Variants in SDK2 observed in about 807,000 individuals in gnomAD.
SDK2 encodes the protein sidekick cell adhesion molecule 2.
SDK2 carries 105 observed loss-of-function variants against 253.9 expected under a neutral mutation model. The ratio of observed to expected loss-of-function variants is 0.41; its 90% CI spans 0.35 to 0.49. SDK2 has a LOEUF of 0.49. Among genes scored for constraint, SDK2 ranks in the 20% least tolerant of loss-of-function variants. The probability of loss-of-function intolerance (pLI) is 0.06; values close to 1 mark genes in which losing one functional copy is unlikely to be tolerated. For synonymous variants in SDK2, 1,249 were observed against 1,234.9 expected (o/e 1.01, Z -0.24); for missense variants, 2,608 against 3,003.0 (o/e 0.87, Z 3.07).
At chr17:73,603,989 C>T (rs540201230) in intron 1 of SDK2, among the ~76,000 whole-genome samples, 5 of 152,362 alleles carry the variant, frequency 3.3e-5, no homozygotes, top group African/African-American at 1.2e-4. Context: ...AACCCACCAA[C>T]GTCAGCTGGC....
Position 73,582,377 on chromosome 17 carries a change from G to A in SDK2, c.64+61648C>T, listed in dbSNP as rs550263090. Among the ~76,000 whole-genome samples, 122 of 151,714 alleles carry A rather than the reference G, an allele frequency of 8.0e-4. 1 individual carries two copies. Among genetic ancestry groups the A allele is most frequent in the African/African-American group, 2.5e-3 (104 of 41,262 alleles). On this transcript the variant is annotated intron_variant, in intron 1 of 44. Transcript: ENST00000392650. ...CATGCAGGCATCAGCATTTGGGGGTGCACACCACGCAGGCATCAGCTTTTG... is the reference window on the plus strand; with the variant it reads ...CATGCAGGCATCAGCATTTGGGGGTACACACCACGCAGGCATCAGCTTTTG...
chr17:73,562,937 G>C (rs2045259092), intron 1 of SDK2, among the ~76,000 whole-genome samples: 1 of 152,224 alleles, frequency 6.6e-6, no homozygotes, highest in African/African-American at 2.4e-5. Context: ...GTAGGGCTGT[G>C]CTGAAGCTGG....
At chr17:73,526,985 G>A (rs186832776) in intron 1 of SDK2, among the ~76,000 whole-genome samples, 302 of 152,370 alleles carry the variant, frequency 2.0e-3, no homozygotes, top group Non-Finnish European at 3.4e-3. Flanking sequence ...ACATGGCCCT[G>A]CCTGGAGGCC....
Position 73,338,434 on chromosome 17 carries a change from G to C in SDK2, c.*153C>G. 1.4e-6 allele frequency: 1 copy of C among 704,754 alleles called. No homozygotes were observed. Among genetic ancestry groups the C allele is most frequent in the Non-Finnish European group, 2.6e-6 (1 of 390,636 alleles). The allele number at this position is 704,754 out of a possible 1,614,324, so 43.7% of individuals were successfully genotyped here. A position where few individuals can be genotyped will look rare whatever the true frequency, so the allele number is the denominator to read the frequency against. ...GTTTTCTCCCTCCTTCTGAACGCCG[G>C]CTTTGCTGGCCCTGGAATCTCTGGA... On this transcript the variant is annotated 3_prime_UTR_variant, in exon 45 of 45. Coordinates refer to ENST00000392650, the MANE Select transcript of SDK2 (RefSeq NM_001144952.2). This position sits in a 1 kb window ranked among gnomAD's most constrained non-coding sequence, Gnocchi z 5.0.
chr17:73,614,231 C>A (rs1188323267), intron 1 of SDK2, among the ~76,000 whole-genome samples: 2 of 152,130 alleles, frequency 1.3e-5, no homozygotes, highest in Non-Finnish European at 1.5e-5. Context: ...TGGAAAGTAC[C>A]CCCACCTTCT....
At chr17:73,508,175 C>T (rs777836014) in intron 1 of SDK2, among the ~76,000 whole-genome samples, 3 of 152,260 alleles carry the variant, frequency 2.0e-5, no homozygotes, top group Non-Finnish European at 4.4e-5. Context: ...CCTCTACCTC[C>T]CCGTTCACTC....
chr17:73,419,865 C>T (rs1398248948), intron 15 of SDK2, among the ~76,000 whole-genome samples: 1 of 148,198 alleles, frequency 6.7e-6, no homozygotes, highest in East Asian at 1.9e-4. Context: ...GCCTGGGAAA[C>T]AGAGACCCTG....
intron 41 of SDK2, 125 bp from the exon 42 acceptor site, chr17:73,350,915 G>T: frequency 2.0e-6 from 2 of 976,398 alleles, no homozygotes; most frequent in Non-Finnish European, 3.0e-6. Flanking sequence ...CCCTCCGAAT[G>T]AGGCAGAACC....
At chr17:73,417,997 G>A (rs1027200094) in intron 16 of SDK2, among the ~76,000 whole-genome samples, 6 of 146,304 alleles carry the variant, frequency 4.1e-5, no homozygotes, top group South Asian at 2.2e-4. Context: ...ATGCATCAAA[G>A]TCTCCTAGAT....
chr17:73,610,715 T>C (rs1163050507), intron 1 of SDK2, among the ~76,000 whole-genome samples: 2 of 151,122 alleles, frequency 1.3e-5, no homozygotes, highest in African/African-American at 4.9e-5. Context: ...TCTGTGTGTG[T>C]TAGGTGTGCC....
Position 73,352,617 on chromosome 17 carries a change from G to A in SDK2, c.5614C>T (p.Leu1872Phe), listed in dbSNP as rs750802289. ...ACCTCCTTGGGGATGTCTTTGATGA[G>A]GATGTCCCATAGTCCCTCGTCTGCA... ...RPSDEGLWDI[L>F]IKDIPKEVSS... The change falls in exon 41 of 45, where the codon CTC (leucine) becomes TTC (phenylalanine). Residue 1872 changes from leucine (L) to phenylalanine (F), a missense_variant. Physicochemically the swap from Leu to Phe is conservative, Grantham distance 22. Coordinates refer to ENST00000392650, the MANE Select transcript of SDK2 (RefSeq NM_001144952.2). The surrounding 1 kb of genome is among the most constrained non-coding windows in gnomAD (Gnocchi z 4.1). The A allele has an allele frequency of 1.2e-6, 2 of 1,614,004 alleles. No homozygotes were observed. Among genetic ancestry groups the A allele is most frequent in the Admixed American group, 3.3e-5 (2 of 60,014 alleles).
chr17:73,434,301 G>A (rs1425779362), intron 9 of SDK2, among the ~76,000 whole-genome samples: 2 of 152,254 alleles, frequency 1.3e-5, no homozygotes, highest in African/African-American at 4.8e-5. Context: ...ATTCGGCCAT[G>A]GCCACCGTTT....
At chr17:73,522,634 T>C (rs12449558) in intron 1 of SDK2, among the ~76,000 whole-genome samples, 70,715 of 152,100 alleles carry the variant, frequency 0.46, 18,389 homozygotes, top group African/African-American at 0.71. Context: ...TGGTTATCCA[T>C]CCAGGGAGGT....
At chr17:73,600,018 C>T (rs2045814953) in intron 1 of SDK2, among the ~76,000 whole-genome samples, 1 of 152,350 alleles carries the variant, frequency 6.6e-6, no homozygotes, top group East Asian at 1.9e-4. Context: ...CCGTAGCAGC[C>T]CCTCGTCACT....
At chr17:73,384,107 G>T in intron 32 of SDK2, 96 bp from the exon 33 acceptor site, 1 of 1,361,560 alleles carries the variant, frequency 7.3e-7, no homozygotes, top group Non-Finnish European at 1.0e-6. Flanking sequence ...ACAGAGCAGG[G>T]ACTATGTTTT....
intron 15 of SDK2, among the ~76,000 whole-genome samples, chr17:73,420,163 A>T (rs1178599248): frequency 6.6e-6 from 1 of 152,256 alleles, no homozygotes; most frequent in East Asian, 1.9e-4. Flanking sequence ...CAAGCGCGAC[A>T]GCACGTCTTT....
Position 73,395,115 on chromosome 17 carries a change from G to C in SDK2, c.3592+40C>G, listed in dbSNP as rs761869303. On this transcript the variant is annotated intron_variant, in intron 25 of 44. Coordinates refer to ENST00000392650, the MANE Select transcript of SDK2 (RefSeq NM_001144952.2). This position sits in a 1 kb window ranked among gnomAD's most constrained non-coding sequence, Gnocchi z 4.3. Reference sequence around the variant, plus strand: ...CCCTGAGGGCATAGAGACCAAGGAGGGGACAGGCAGCAGGGTGGCTGGGTG... The same window carrying C: ...CCCTGAGGGCATAGAGACCAAGGAGCGGACAGGCAGCAGGGTGGCTGGGTG... 68 of 1,499,026 alleles carry C rather than the reference G, an allele frequency of 4.5e-5. No homozygotes were observed. The highest frequency in any genetic ancestry group is 2.8e-5 in the African/African-American group (2 of 72,356). 92.9% of individuals were successfully genotyped at this position (1,499,026 alleles called of 1,614,324 possible).
chr17:73,485,935 C>T (rs2063766971), intron 2 of SDK2, among the ~76,000 whole-genome samples: 2 of 152,244 alleles, frequency 1.3e-5, no homozygotes, highest in South Asian at 4.1e-4. Context: ...GTCACTCTGA[C>T]TGCAGACTGG....
At chr17:73,545,200 G>A (rs963463039) in intron 1 of SDK2, among the ~76,000 whole-genome samples, 2 of 151,694 alleles carry the variant, frequency 1.3e-5, no homozygotes, top group African/African-American at 4.8e-5. Context: ...CCCCTCCCCT[G>A]GAAATCCCTT....
Sources: gnomAD v4.1 joint callset for allele counts (sites outside exome capture counted in the v4.1 genomes callset) on GRCh38, gnomAD v4.1.1 for gene constraint, Gnocchi (gnomAD v3.1) non-coding constraint, MANE v1.5 for transcripts, NCBI Gene and HGNC (gene_info 2026-07-23, HGNC 2026-07-21) for gene names.